Variants in ALK observed in about 807,000 individuals in gnomAD.
The protein encoded by ALK is ALK receptor tyrosine kinase, also known as ALK tyrosine kinase receptor.
ALK carries 74 observed loss-of-function variants against 163.1 expected under a neutral mutation model. The ratio of observed to expected loss-of-function variants is 0.45; its 90% CI spans 0.38 to 0.55. ALK has a LOEUF of 0.55. ALK is among the 20% of genes least tolerant of loss of function. ALK has a pLI of 0.00. For missense variants in ALK, 2,063 were observed against 2,105.3 expected, an observed-to-expected ratio of 0.98 and a Z score of 0.39; for synonymous variants, 960 against 843.2, an observed-to-expected ratio of 1.14 and a Z score of -2.40.
chr2:29,369,433 G>C (rs1668590527), intron 5 of ALK, among the ~76,000 whole-genome samples: 2 of 152,172 alleles, frequency 1.3e-5, no homozygotes, highest in African/African-American at 4.8e-5. Context: ...TCTTTGCTTA[G>C]AGTAAGGATG....
chr2:29,239,505 A>C (rs1664466764), intron 13 of ALK, among the ~76,000 whole-genome samples, 175 bp downstream of exon 13: 1 of 152,258 alleles, frequency 6.6e-6, no homozygotes, highest in Non-Finnish European at 1.5e-5. Context: ...AGCACAGGCA[A>C]GAGGTGAACC....
chr2:29,816,472 A>G (rs1430125023), intron 1 of ALK, among the ~76,000 whole-genome samples: 1 of 152,206 alleles, frequency 6.6e-6, no homozygotes, highest in Non-Finnish European at 1.5e-5. Context: ...TACTTTGTAC[A>G]AAGCAACATG....
chr2:29,306,652 CGT>C (rs67015445), intron 8 of ALK, among the ~76,000 whole-genome samples: 46 of 151,114 alleles, frequency 3.0e-4, no homozygotes, highest in African/African-American at 3.9e-4. Context: ...AATTAACAGT[CGT>C]GTGTGTGTGT....
chr2:29,357,425 A>G (rs1668278111), intron 5 of ALK, among the ~76,000 whole-genome samples: 1 of 152,202 alleles, frequency 6.6e-6, no homozygotes, highest in South Asian at 2.1e-4. Flanking sequence ...TCCAGGGAGA[A>G]GTGGGCTCTT....
At chr2:29,503,772 C>T (rs1413586895) in intron 4 of ALK, among the ~76,000 whole-genome samples, 2 of 152,008 alleles carry the variant, frequency 1.3e-5, no homozygotes, top group South Asian at 4.2e-4. Context: ...GGAGAAGCAG[C>T]AGGGGCTGGA....
rs1469145909 is a variant in ALK at position 29,532,739 on chromosome 2, T to C, written c.953-623A>G. 1.6e-4 allele frequency among the ~76,000 whole-genome samples: 24 copies of C among 152,212 alleles called. 1 individual carries two copies. The highest frequency in any genetic ancestry group is 1.6e-3 in the Admixed American group (24 of 15,274). On this transcript the variant is annotated intron_variant, in intron 3 of 28. Coordinates refer to ENST00000389048, the MANE Select transcript of ALK (RefSeq NM_004304.5). ...ATGACCTGCGAGAAACCTACATTCA[T>C]GGGGATTACTGTCAGTGTAAAAGCA...
chr2:29,782,285 C>T (rs550395300), intron 1 of ALK, among the ~76,000 whole-genome samples: 1 of 152,204 alleles, frequency 6.6e-6, no homozygotes, highest in South Asian at 2.1e-4. Context: ...GGTGAAGAGA[C>T]CTGTGGGTTT....
At chr2:29,604,449 C>G (rs1675482572) in intron 3 of ALK, among the ~76,000 whole-genome samples, 1 of 152,126 alleles carries the variant, frequency 6.6e-6, no homozygotes. Context: ...AGAGTTTTTA[C>G]TTATTGAATT....
At chr2:29,372,610 G>A (rs1313808970) in intron 5 of ALK, among the ~76,000 whole-genome samples, 1 of 151,856 alleles carries the variant, frequency 6.6e-6, no homozygotes. Context: ...CCAGGGATAG[G>A]TGTCACTGTC....
At chr2:29,837,918 G>T (rs888546010) in intron 1 of ALK, among the ~76,000 whole-genome samples, 1 of 152,150 alleles carries the variant, frequency 6.6e-6, no homozygotes, top group South Asian at 2.1e-4. Flanking sequence ...TCATTTAAAT[G>T]ACTTTAAAAT....
intron 3 of ALK, among the ~76,000 whole-genome samples, chr2:29,567,765 A>G (rs1428759052): frequency 6.6e-6 from 1 of 152,158 alleles, no homozygotes; most frequent in African/African-American, 2.4e-5. Context: ...CTTTCTTCTG[A>G]ACTCCCTTTC....
At chr2:29,614,330 G>A (rs138486197) in intron 3 of ALK, among the ~76,000 whole-genome samples, 179 of 152,316 alleles carry the variant, frequency 1.2e-3, no homozygotes, top group African/African-American at 4.3e-3. Context: ...TCAACAGGTA[G>A]AATAATCCTC....
chr2:29,195,920 G>C (rs1031760146), intron 28 of ALK, among the ~76,000 whole-genome samples: 9 of 152,220 alleles, frequency 5.9e-5, no homozygotes, highest in Non-Finnish European at 1.2e-4. Flanking sequence ...CCTTGAAGGG[G>C]AGGAGAGACG....
chr2:29,561,059 A>G (rs1674008914), intron 3 of ALK, among the ~76,000 whole-genome samples: 2 of 152,142 alleles, frequency 1.3e-5, no homozygotes, highest in Non-Finnish European at 2.9e-5. Context: ...TAAGTTTTAA[A>G]TTGTTTACAT....
At position 29,557,243 on chromosome 2, in the gene ALK, T is replaced by C. The variant is rs151275659; in HGVS notation, c.953-25127A>G. Among the ~76,000 whole-genome samples, 565 of 152,290 alleles carry C rather than the reference T, an allele frequency of 3.7e-3. 3 individuals carry two copies. Among genetic ancestry groups the C allele is most frequent in the African/African-American group, 0.012 (502 of 41,556 alleles). ...AATTGAGACCTTGCTCTAAATTCTG[T>C]TCTTAAGCAGCCTGGAGCAGATAAT... On this transcript the variant is annotated intron_variant, in intron 3 of 28. Coordinates refer to ENST00000389048, the MANE Select transcript of ALK (RefSeq NM_004304.5).
chr2:29,367,472 T>C (rs557977159), intron 5 of ALK, among the ~76,000 whole-genome samples: 3 of 152,336 alleles, frequency 2.0e-5, no homozygotes, highest in African/African-American at 7.2e-5. Flanking sequence ...TTTCCAGATG[T>C]TAAATTATAT....
chr2:29,919,884 C>G, intron 1 of ALK, 109 bp downstream of exon 1: 1 of 1,351,456 alleles, frequency 7.4e-7, no homozygotes, highest in African/African-American at 1.4e-5. Context: ...GGCGATGAAG[C>G]AGAGCTGAGG....
intron 12 of ALK, among the ~76,000 whole-genome samples, chr2:29,240,694 G>T (rs1664501729): frequency 6.6e-6 from 1 of 152,140 alleles, no homozygotes; most frequent in South Asian, 2.1e-4. Flanking sequence ...TGCCTCTTAG[G>T]TTGCTGCAAT....
chr2:29,752,110 T>A (rs1680380239), intron 1 of ALK, among the ~76,000 whole-genome samples: 1 of 152,212 alleles, frequency 6.6e-6, no homozygotes, highest in East Asian at 1.9e-4. Context: ...CATAACTTAA[T>A]GATCTTCTGA....
Sources: allele counts gnomAD v4.1 joint callset (sites outside exome capture counted in the v4.1 genomes callset), GRCh38; gene constraint gnomAD v4.1.1; transcripts MANE v1.5; gene names NCBI Gene and HGNC (gene_info 2026-07-23, HGNC 2026-07-21).